GLIS3: variants seen among roughly 807,000 people sequenced by gnomAD.
The protein encoded by GLIS3 is zinc finger protein GLIS3.
Under a neutral mutation model 78.6 loss-of-function variants are expected in GLIS3, and 53 were observed. That is an observed-to-expected ratio of 0.67 (90% CI 0.54 to 0.85). The LOEUF (loss-of-function observed/expected upper bound fraction) is 0.85. Ranked by LOEUF, GLIS3 falls within the 40% of genes least tolerant of loss-of-function variation. The pLI is 0.00. For missense variants in GLIS3, 1,703 were observed against 1,231.1 expected (o/e 1.38, Z -5.74); for synonymous variants, 684 against 509.9 (o/e 1.34, Z -4.60).
intron 9 of GLIS3, among the ~76,000 whole-genome samples, chr9:3,847,557 T>G (rs1166102122): frequency 6.6e-6 from 1 of 152,260 alleles, no homozygotes; most frequent in Non-Finnish European, 1.5e-5. Flanking sequence ...TCTGTGTGGG[T>G]GCACATGCAC....
At chr9:4,219,762 G>C (rs745684) in intron 2 of GLIS3, among the ~76,000 whole-genome samples, 33,428 of 152,186 alleles carry the variant, frequency 0.22, 4,811 homozygotes, top group South Asian at 0.49. Flanking sequence ...GGCTTTGGCT[G>C]GTATCGGCAG....
At chr9:3,919,721 G>A (rs1168393716) in intron 6 of GLIS3, among the ~76,000 whole-genome samples, 1 of 151,730 alleles carries the variant, frequency 6.6e-6, no homozygotes, top group Admixed American at 6.6e-5. Flanking sequence ...CCAACTGGAT[G>A]GTACTATTGG....
chr9:4,487,783 G>C, the GLIS3 span, among the ~76,000 whole-genome samples: 1 of 151,898 alleles, frequency 6.6e-6, no homozygotes, highest in Non-Finnish European at 1.5e-5. Context: ...GAACTCCCGG[G>C]CTCAAACTAT....
At chr9:4,120,520 A>C (rs530856735) in intron 3 of GLIS3, among the ~76,000 whole-genome samples, 5 of 152,224 alleles carry the variant, frequency 3.3e-5, no homozygotes, top group Non-Finnish European at 5.9e-5. Context: ...GCACACTTGC[A>C]GCATGTGGCT....
At chr9:3,898,404 G>C (rs1032635737) in intron 7 of GLIS3, 6 of 444,194 alleles carry the variant, frequency 1.4e-5, no homozygotes, top group East Asian at 4.7e-5. Context: ...TAAATCAAGT[G>C]AGTAAATGTA....
At chr9:4,073,978 C>T (rs891597937) in intron 4 of GLIS3, among the ~76,000 whole-genome samples, 1 of 152,156 alleles carries the variant, frequency 6.6e-6, no homozygotes, top group South Asian at 2.1e-4. Flanking sequence ...GGCCATCATA[C>T]GAACTGAGAG....
chr9:4,307,987 A>T (rs1479707149), intron 4 of GLIS3, among the ~76,000 whole-genome samples: 1 of 152,136 alleles, frequency 6.6e-6, no homozygotes, highest in Non-Finnish European at 1.5e-5. Flanking sequence ...AAAGTAATGC[A>T]CTTTCTCAAC....
chr9:4,224,164 TA>T (rs1563784377), intron 2 of GLIS3, among the ~76,000 whole-genome samples: 3 of 152,170 alleles, frequency 2.0e-5, no homozygotes, highest in Non-Finnish European at 4.4e-5. Flanking sequence ...GCACTCTGAT[TA>T]AAACCCACAT....
intron 2 of GLIS3, among the ~76,000 whole-genome samples, chr9:4,339,420 C>T (rs182473007): frequency 4.6e-5 from 7 of 152,182 alleles, no homozygotes; most frequent in Admixed American, 2.6e-4. Context: ...CTGAGAGTTT[C>T]GTCTTTATTT....
At chr9:4,165,720 G>C (rs79857302) in intron 2 of GLIS3, among the ~76,000 whole-genome samples, 1 of 152,176 alleles carries the variant, frequency 6.6e-6, no homozygotes, top group Admixed American at 6.5e-5. Context: ...CAGATATCCA[G>C]ATAGAACTAC....
chr9:4,463,928 G>A, the GLIS3 span, among the ~76,000 whole-genome samples: 2 of 152,134 alleles, frequency 1.3e-5, no homozygotes, highest in Admixed American at 6.6e-5. Flanking sequence ...AACTGAGTGA[G>A]AACTGAGGGA....
chr9:3,856,781 T>A (rs1819822586), intron 8 of GLIS3, among the ~76,000 whole-genome samples: 1 of 152,148 alleles, frequency 6.6e-6, no homozygotes, highest in Non-Finnish European at 1.5e-5. Flanking sequence ...CTGCGTGGGC[T>A]CCGTGCTTGG....
intron 7 of GLIS3, among the ~76,000 whole-genome samples, chr9:3,895,207 G>C (rs1166090110): frequency 6.6e-6 from 1 of 152,238 alleles, no homozygotes; most frequent in African/African-American, 2.4e-5. Flanking sequence ...ACTAAGCCTT[G>C]AAAGTGGCAT....
intron 9 of GLIS3, among the ~76,000 whole-genome samples, chr9:3,848,433 C>T (rs578151407): frequency 1.2e-4 from 18 of 152,264 alleles, no homozygotes; most frequent in African/African-American, 3.1e-4. Flanking sequence ...ATCCAGGAGG[C>T]GGAGGTTGCC....
At chr9:3,898,466 A>G (rs976003429) in intron 7 of GLIS3, 2 of 579,720 alleles carry the variant, frequency 3.4e-6, no homozygotes, top group South Asian at 1.9e-5. Flanking sequence ...GTCCATAACT[A>G]AAAGAGGTAA....
At chr9:3,861,364 A>G (rs1284382927) in intron 8 of GLIS3, among the ~76,000 whole-genome samples, 2 of 152,146 alleles carry the variant, frequency 1.3e-5, no homozygotes, top group Non-Finnish European at 2.9e-5. Flanking sequence ...TTCCTCAAAG[A>G]CCTAGAACCA....
At chr9:4,332,725 T>C (rs1817703620) in intron 2 of GLIS3, among the ~76,000 whole-genome samples, 1 of 152,160 alleles carries the variant, frequency 6.6e-6, no homozygotes, top group Non-Finnish European at 1.5e-5. Flanking sequence ...TAGGCGGGAG[T>C]CAGCCTCATG....
At chr9:4,406,569 C>G in the GLIS3 span, among the ~76,000 whole-genome samples, 2 of 151,998 alleles carry the variant, frequency 1.3e-5, no homozygotes, top group Non-Finnish European at 2.9e-5. Flanking sequence ...AAGAGGCCAT[C>G]AAAAAACTAT....
chr9:4,351,874 A>C (rs1817976225), upstream of GLIS3, among the ~76,000 whole-genome samples: 1 of 152,200 alleles, frequency 6.6e-6, no homozygotes, highest in South Asian at 2.1e-4. Flanking sequence ...CTTAAAAAAA[A>C]AATGCACACA....
Sources: allele counts gnomAD v4.1 joint callset (sites outside exome capture counted in the v4.1 genomes callset), GRCh38; gene constraint gnomAD v4.1.1; transcripts MANE v1.5; gene names NCBI Gene and HGNC (gene_info 2026-07-23, HGNC 2026-07-21).